Variants in SAMTOR observed in about 807,000 individuals in gnomAD.
The protein encoded by SAMTOR is UPF0532 protein C7orf60.
the SAMTOR span, among the ~76,000 whole-genome samples, chr7:112,859,555 C>T: frequency 6.6e-6 from 1 of 152,088 alleles, no homozygotes; most frequent in Non-Finnish European, 1.5e-5. Context: ...AGTATTGTTG[C>T]CATGGGAGAT....
the SAMTOR span, among the ~76,000 whole-genome samples, chr7:112,848,902 A>G: frequency 6.6e-6 from 1 of 152,150 alleles, no homozygotes; most frequent in Non-Finnish European, 1.5e-5. Context: ...ACCAAAAATT[A>G]GCTGGGCGTG....
chr7:112,885,741 C>G, the SAMTOR span, among the ~76,000 whole-genome samples: 238 of 152,266 alleles, frequency 1.6e-3, 2 homozygotes, highest in Middle Eastern at 6.8e-3. Flanking sequence ...TCCAAGCATT[C>G]CCACATTTTA....
At chr7:112,822,853 T>C in the SAMTOR span, among the ~76,000 whole-genome samples, 1 of 152,156 alleles carries the variant, frequency 6.6e-6, no homozygotes, top group Non-Finnish European at 1.5e-5. Flanking sequence ...AAAACTTTAG[T>C]TCTTTGAAAC....
chr7:112,840,587 C>A, the SAMTOR span, among the ~76,000 whole-genome samples: 82 of 151,810 alleles, frequency 5.4e-4, no homozygotes, highest in African/African-American at 1.9e-3. Flanking sequence ...CTGTGTGAGG[C>A]AAGACAAGAT....
the SAMTOR span, among the ~76,000 whole-genome samples, chr7:112,910,903 A>G: frequency 6.6e-6 from 1 of 152,160 alleles, no homozygotes; most frequent in Non-Finnish European, 1.5e-5. Flanking sequence ...TTTAAAAAAC[A>G]ACGTATTAAA....
chr7:112,824,645 T>G, the SAMTOR span, among the ~76,000 whole-genome samples: 3,324 of 152,178 alleles, frequency 0.022, 53 homozygotes, highest in Non-Finnish European at 0.032. Flanking sequence ...ACAGGCATGA[T>G]CCACCACACC....
the SAMTOR span, chr7:112,915,346 T>C: frequency 4.3e-6 from 7 of 1,613,290 alleles, no homozygotes; most frequent in South Asian, 5.5e-5. Flanking sequence ...TCACAAGTTT[T>C]TGCCCAATGA....
chr7:112,916,756 C>T, the SAMTOR span, among the ~76,000 whole-genome samples: 10 of 152,160 alleles, frequency 6.6e-5, no homozygotes, highest in Non-Finnish European at 1.2e-4. Flanking sequence ...TGCGCTTTTC[C>T]GACGGGCTTG....
chr7:112,853,823 C>T, the SAMTOR span, among the ~76,000 whole-genome samples: 2 of 152,042 alleles, frequency 1.3e-5, no homozygotes, highest in Non-Finnish European at 2.9e-5. Context: ...AATAAAGATT[C>T]TATGGTTAAA....
At chr7:112,896,885 G>A in the SAMTOR span, among the ~76,000 whole-genome samples, 1 of 152,070 alleles carries the variant, frequency 6.6e-6, no homozygotes, top group African/African-American at 2.4e-5. Flanking sequence ...AACTTTCTAG[G>A]CAGAAAGGAC....
chr7:112,835,027 C>T, the SAMTOR span, among the ~76,000 whole-genome samples: 3 of 151,886 alleles, frequency 2.0e-5, no homozygotes, highest in Admixed American at 2.0e-4. Flanking sequence ...TCTTCTTGTG[C>T]CTAACTTATA....
chr7:112,865,946 A>G, the SAMTOR span, among the ~76,000 whole-genome samples: 3 of 151,550 alleles, frequency 2.0e-5, no homozygotes, highest in South Asian at 6.2e-4. Context: ...CAACACAGCA[A>G]GACCCTGTCT....
chr7:112,937,870 A>ACC, the SAMTOR span, among the ~76,000 whole-genome samples: 1 of 151,442 alleles, frequency 6.6e-6, no homozygotes, highest in Non-Finnish European at 1.5e-5. Flanking sequence ...CAGGCTTAAA[A>ACC]CATGGTTAAA....
At chr7:112,850,970 C>T in the SAMTOR span, among the ~76,000 whole-genome samples, 9 of 152,070 alleles carry the variant, frequency 5.9e-5, no homozygotes, top group Non-Finnish European at 1.3e-4. Context: ...AATCCCATTT[C>T]CAATAGTTAC....
At chr7:112,880,476 C>T in the SAMTOR span, among the ~76,000 whole-genome samples, 1 of 152,090 alleles carries the variant, frequency 6.6e-6, no homozygotes, top group Admixed American at 6.6e-5. Context: ...AGATCATTTG[C>T]ACTCCATTTA....
At chr7:112,838,433 A>T in the SAMTOR span, among the ~76,000 whole-genome samples, 3 of 151,938 alleles carry the variant, frequency 2.0e-5, no homozygotes, top group Non-Finnish European at 2.9e-5. Context: ...ATTTAAAGGT[A>T]TTTTGTTATT....
chr7:112,888,347 T>C, the SAMTOR span, among the ~76,000 whole-genome samples: 4 of 152,164 alleles, frequency 2.6e-5, no homozygotes, highest in East Asian at 7.7e-4. Flanking sequence ...TATGGCCAAA[T>C]ATGGTAGCAT....
the SAMTOR span, among the ~76,000 whole-genome samples, chr7:112,898,943 T>G: frequency 6.6e-6 from 1 of 152,212 alleles, no homozygotes; most frequent in Non-Finnish European, 1.5e-5. Context: ...AAACTCTGAA[T>G]GCTTAGAAGG....
chr7:112,834,095 GTTGT>G, the SAMTOR span, among the ~76,000 whole-genome samples: 1 of 152,120 alleles, frequency 6.6e-6, no homozygotes, highest in Non-Finnish European at 1.5e-5. Context: ...TTGTTTTTGA[GTTGT>G]TTGTGCTTCT....
Sources: gnomAD v4.1 joint callset for allele counts (sites outside exome capture counted in the v4.1 genomes callset) on GRCh38, gnomAD v4.1.1 for gene constraint, MANE v1.5 for transcripts, NCBI Gene and HGNC (gene_info 2026-07-23, HGNC 2026-07-21) for gene names.